The following CADM3 variants were observed in gnomAD, a reference collection of about 807,000 sequenced individuals.
CADM3 encodes the protein cell adhesion molecule 3, also known as TSLC1-like 1.
Under a neutral mutation model 44.9 loss-of-function variants are expected in CADM3, and 11 were observed. That is an observed-to-expected ratio of 0.25 (90% CI 0.15 to 0.41). CADM3 has a LOEUF of 0.41. CADM3 is among the 10% of genes least tolerant of loss of function. The pLI, the probability that CADM3 is intolerant of heterozygous loss-of-function variation, is 1.00. For missense variants in CADM3, 426 were observed against 512.0 expected (o/e 0.83, Z 1.62); for synonymous variants, 207 against 205.2 (o/e 1.01, Z -0.08).
In CADM3 at chr1:159,171,771, G is replaced by A. The variant is rs1416646758; in HGVS notation, c.6G>A (p.Gly2=). The A allele has an allele frequency of 8.1e-7, 1 of 1,237,768 alleles. No homozygotes were observed. Among genetic ancestry groups the A allele is most frequent in the Non-Finnish European group, 1.0e-6 (1 of 990,464 alleles). 76.7% of individuals were successfully genotyped at this position (1,237,768 alleles called of 1,614,324 possible). A position where few individuals can be genotyped will look rare whatever the true frequency, so the allele number is the denominator to read the frequency against. Residue 2 remains glycine (G), a synonymous_variant, in exon 1 of 9, where the codon GGG becomes GGA. Transcript: ENST00000368125. ...GGAGCCGGCCGGGAAGCGCGATGGG[G>A]GCCCCAGCCGCCTCGCTCCTGCTCC... M[G]APAASLLLLL... is the part of the protein sequence containing the mutation.
rs1649715864 is a variant in CADM3 at position 159,192,607 on chromosome 1, A to G, written c.259A>G (p.Thr87Ala). The change falls in exon 3 of 9, where the codon ACC (threonine) becomes GCC (alanine). Residue 87 changes from threonine to alanine, a missense_variant. Around this residue, in one of 2 missense-constraint regions of CADM3, gnomAD observed 362 missense variants for 474.6 expected, o/e 0.76. Transcript: ENST00000368125. ...ALRDNRIQLV[T>A]STPHELSISI... Reference sequence around the variant, plus strand: ...TCGAGATAATCGAATTCAGCTGGTTACCTCTACGCCCCACGAGCTCAGCAT... The same window carrying G: ...TCGAGATAATCGAATTCAGCTGGTTGCCTCTACGCCCCACGAGCTCAGCAT... 4.3e-6 allele frequency: 7 copies of G among 1,614,070 alleles called. No individual in the cohort carries two copies. Among genetic ancestry groups the G allele is most frequent in the Non-Finnish European group, 5.1e-6 (6 of 1,180,002 alleles).
intron 1 of CADM3, chr1:159,190,019 CT>C: frequency 1.6e-6 from 1 of 643,336 alleles, no homozygotes; most frequent in Non-Finnish European, 2.8e-6. Flanking sequence ...CATTTTAGTT[CT>C]TAGTCTGCAC....
At chr1:159,184,188 T>C (rs978403055) in intron 1 of CADM3, among the ~76,000 whole-genome samples, 4 of 152,188 alleles carry the variant, frequency 2.6e-5, no homozygotes, top group African/African-American at 9.7e-5. Context: ...CAACTGTACA[T>C]AGAATTCACT....
At chr1:159,200,670 T>G in intron 8 of CADM3, 134 bp from the exon 9 acceptor site, 1 of 602,482 alleles carries the variant, frequency 1.7e-6, no homozygotes, top group Non-Finnish European at 3.0e-6. Flanking sequence ...TTAGGTAAGG[T>G]GGAGTAGAAG....
At chr1:159,171,908 G>A (rs1648825136) in intron 1 of CADM3, 55 bp downstream of exon 1, 1 of 1,147,812 alleles carries the variant, frequency 8.7e-7, no homozygotes, top group Non-Finnish European at 1.1e-6. Context: ...CGAGGCGGGG[G>A]CTGGGATCGG....
At chr1:159,189,717 A>C in intron 1 of CADM3, 3 of 1,346,686 alleles carry the variant, frequency 2.2e-6, no homozygotes, top group Non-Finnish European at 3.1e-6. Flanking sequence ...GTAGAGCCCC[A>C]CACTGTAGCA....
In CADM3 at chr1:159,193,923, A is replaced by G. The variant is rs773920471; in HGVS notation, c.574A>G (p.Ser192Gly). Residue 192 changes from serine (S) to glycine (G), a missense_variant, in exon 5 of 9, where the codon AGC becomes GGC. This residue lies in a region of CADM3 where 362 missense variants were observed against 474.6 expected (regional missense o/e 0.76). Transcript: ENST00000368125. ...CAATGGTAAAACCTTCACTGTCAGC[A>G]GCTCGGTGACATTCCAGGTTACCCG... ...DPNGKTFTVS[S>G]SVTFQVTRED... is the part of the protein sequence containing the mutation. The G allele has an allele frequency of 1.9e-6, 3 of 1,614,220 alleles. No homozygotes were observed. Among genetic ancestry groups the G allele is most frequent in the Admixed American group, 1.7e-5 (1 of 60,018 alleles).
chr1:159,195,463 G>T (rs1432481627), intron 5 of CADM3: 1 of 152,216 alleles, frequency 6.6e-6, no homozygotes, highest in Non-Finnish European at 1.5e-5. Context: ...AGACTCCTCT[G>T]TTAGATACCA....
rs146018073 is a variant in CADM3, at chr1:159,177,412, C to T, written c.88+5559C>T. Among the ~76,000 whole-genome samples, 343 of 152,224 alleles carry T rather than the reference C, an allele frequency of 2.3e-3. 4 individuals carry two copies. Among genetic ancestry groups the T allele is most frequent in the African/African-American group, 8.0e-3 (331 of 41,548 alleles). ...TGCCTTACCCCGTGATCCCAGTTCC[C>T]CTGTTCTTTATGGAGCAAACTATTA... On this transcript the variant is annotated intron_variant, in intron 1 of 8. Coordinates refer to ENST00000368125, the MANE Select transcript of CADM3 (RefSeq NM_001127173.3).
chr1:159,176,152 G>A (rs1333489522), intron 1 of CADM3, among the ~76,000 whole-genome samples: 1 of 152,176 alleles, frequency 6.6e-6, no homozygotes, highest in African/African-American at 2.4e-5. Context: ...CCTAAGGATG[G>A]TGATCTAGGT....
intron 5 of CADM3, 61 bp from the exon 6 acceptor site, chr1:159,196,303 G>A: frequency 7.5e-7 from 1 of 1,339,146 alleles, no homozygotes; most frequent in South Asian, 1.2e-5. Flanking sequence ...GTGCAACTAA[G>A]TGAGGGAATC....
chr1:159,187,507 C>T (rs1649464063), intron 1 of CADM3, among the ~76,000 whole-genome samples: 1 of 152,142 alleles, frequency 6.6e-6, no homozygotes, highest in Admixed American at 6.5e-5. Context: ...TATCTGGCTG[C>T]CTATCTCTTG....
intron 7 of CADM3, among the ~76,000 whole-genome samples, 163 bp from the exon 8 acceptor site, chr1:159,199,588 T>A (rs1247524154): frequency 6.6e-6 from 1 of 152,092 alleles, no homozygotes; most frequent in Non-Finnish European, 1.5e-5. Flanking sequence ...ATAATACAGG[T>A]GTGGCGTATA....
At position 159,200,067 on chromosome 1, in the gene CADM3, C is replaced by T. The variant is rs72711374; in HGVS notation, c.1078+191C>T. ...TGTGATAACTGAGCACCACCAACCC[C>T]GCAGTAAAGCCTGATCACTTGGGGA... On this transcript the variant is annotated intron_variant, in intron 8 of 8. Coordinates refer to ENST00000368125, the MANE Select transcript of CADM3 (RefSeq NM_001127173.3). Among the ~76,000 whole-genome samples, 11,302 of 152,174 alleles carry T rather than the reference C, an allele frequency of 0.074. 546 individuals carry two copies. The highest frequency in any genetic ancestry group is 0.13 in the Middle Eastern group (39 of 294).
Position 159,200,951 on chromosome 1 carries a change from A to C in CADM3, c.*29A>C. 1.9e-6 allele frequency: 3 copies of C among 1,541,990 alleles called. No individual in the cohort carries two copies. Among genetic ancestry groups the C allele is most frequent in the East Asian group, 2.3e-5 (1 of 43,296 alleles). On this transcript the variant is annotated 3_prime_UTR_variant, in exon 9 of 9. Coordinates refer to ENST00000368125, the MANE Select transcript of CADM3 (RefSeq NM_001127173.3). ...CGCCTGCCCACTTCCTGCGCCCCCCAGGGGCCCTGTGGGGACTGCTGGGGC... is the reference window on the plus strand; with the variant it reads ...CGCCTGCCCACTTCCTGCGCCCCCCCGGGGCCCTGTGGGGACTGCTGGGGC...
intron 1 of CADM3, among the ~76,000 whole-genome samples, chr1:159,176,612 A>G (rs1649026348): frequency 6.6e-6 from 1 of 152,198 alleles, no homozygotes; most frequent in Non-Finnish European, 1.5e-5. Context: ...ACAAGGTCAG[A>G]ACCAGCTGGT....
intron 1 of CADM3, chr1:159,178,446 A>G (rs2102095936): frequency 6.6e-6 from 1 of 152,326 alleles, no homozygotes; most frequent in African/African-American, 2.4e-5. Context: ...AATCCAGTAA[A>G]TGAGAGGCAT....
intron 1 of CADM3, 34 bp from the exon 2 acceptor site, chr1:159,191,902 T>G: frequency 6.2e-7 from 1 of 1,612,694 alleles, no homozygotes; most frequent in Non-Finnish European, 8.5e-7. Flanking sequence ...GGGCTAGGGG[T>G]CCTCAGGAAA....
chr1:159,180,084 C>T (rs1270574891), intron 1 of CADM3, among the ~76,000 whole-genome samples: 1 of 152,116 alleles, frequency 6.6e-6, no homozygotes, highest in Non-Finnish European at 1.5e-5. Context: ...TGAGCCTCAA[C>T]CCTGGAGAGG....
Sources: allele counts gnomAD v4.1 joint callset (sites outside exome capture counted in the v4.1 genomes callset), GRCh38; gene constraint gnomAD v4.1.1; regional missense constraint gnomAD v4.1.1; transcripts MANE v1.5; gene names NCBI Gene and HGNC (gene_info 2026-07-23, HGNC 2026-07-21).